Variants in ZDHHC13 observed in about 807,000 individuals in gnomAD.
The protein encoded by ZDHHC13 is palmitoyltransferase ZDHHC13.
Under a neutral mutation model 86.0 loss-of-function variants are expected in ZDHHC13, and 85 were observed. That is an observed-to-expected ratio of 0.99 (90% CI 0.83 to 1.18). ZDHHC13 has a LOEUF of 1.18. ZDHHC13 is among the 50% of genes most tolerant of loss of function. The pLI is 0.00. For missense variants in ZDHHC13, 711 were observed against 730.2 expected, an observed-to-expected ratio of 0.97 and a Z score of 0.30; for synonymous variants, 263 against 246.4, an observed-to-expected ratio of 1.07 and a Z score of -0.63.
chr11:19,124,982 C>A (rs759850562), intron 1 of ZDHHC13, among the ~76,000 whole-genome samples: 2 of 152,002 alleles, frequency 1.3e-5, no homozygotes, highest in Non-Finnish European at 2.9e-5. Flanking sequence ...GCTCAAGGAG[C>A]CACAAAGGGA....
At chr11:19,165,185 G>A (rs1850027117) in intron 13 of ZDHHC13, 40 bp downstream of exon 13, 2 of 1,571,508 alleles carry the variant, frequency 1.3e-6, no homozygotes, top group Admixed American at 3.7e-5. Flanking sequence ...GTGAAGTTAA[G>A]CATATGTTTA....
chr11:19,150,610 G>C, intron 5 of ZDHHC13, 117 bp from the exon 6 acceptor site: 1 of 800,030 alleles, frequency 1.2e-6, no homozygotes, highest in Non-Finnish European at 2.0e-6. Context: ...TGATATTTGA[G>C]CCCTTTATGT....
At position 19,171,450 on chromosome 11, in the gene ZDHHC13, G is replaced by C. The variant is rs146510411; in HGVS notation, c.1632+882G>C. ...ATAATAATAATGATAATAATAACAAGAAGAGAAGGAGGAAGGGAGGGAAAA... is the reference window on the plus strand; with the variant it reads ...ATAATAATAATGATAATAATAACAACAAGAGAAGGAGGAAGGGAGGGAAAA... On this transcript the variant is annotated intron_variant, in intron 15 of 16. Transcript: ENST00000446113. Among the ~76,000 whole-genome samples the C allele has an allele frequency of 4.4e-3, 662 of 152,002 alleles. 1 individual carries two copies. The highest frequency in any genetic ancestry group is 6.3e-3 in the Non-Finnish European group (428 of 67,952).
chr11:19,150,969 T>A (rs1849592984), intron 6 of ZDHHC13, among the ~76,000 whole-genome samples, 178 bp downstream of exon 6: 1 of 152,136 alleles, frequency 6.6e-6, no homozygotes, highest in South Asian at 2.1e-4. Flanking sequence ...AAAGCAGCCT[T>A]GAAATACATT....
At chr11:19,138,836 A>G (rs1293363906) in intron 1 of ZDHHC13, among the ~76,000 whole-genome samples, 1 of 152,144 alleles carries the variant, frequency 6.6e-6, no homozygotes, top group East Asian at 1.9e-4. Context: ...CAATAGATGC[A>G]GAAAAGGCCT....
chr11:19,172,059 A>G (rs1261711821), intron 15 of ZDHHC13, among the ~76,000 whole-genome samples: 1 of 152,014 alleles, frequency 6.6e-6, no homozygotes, highest in East Asian at 1.9e-4. Flanking sequence ...TAGGTATTTG[A>G]TTTTATTTAC....
chr11:19,172,196 C>G (rs10833067), intron 15 of ZDHHC13, among the ~76,000 whole-genome samples: 59,885 of 151,974 alleles, frequency 0.39, 14,426 homozygotes, highest in South Asian at 0.53. Flanking sequence ...CCTCAGCCTC[C>G]CAAGTAGCTG....
intron 7 of ZDHHC13, 32 bp downstream of exon 7, chr11:19,152,352 T>C (rs1336917488): frequency 1.2e-6 from 2 of 1,602,318 alleles, no homozygotes; most frequent in East Asian, 2.2e-5. Flanking sequence ...CCTTAGTTTA[T>C]TATATCTTGA....
intron 6 of ZDHHC13, among the ~76,000 whole-genome samples, 198 bp from the exon 7 acceptor site, chr11:19,151,960 C>T (rs995432918): frequency 3.3e-5 from 5 of 151,776 alleles, no homozygotes; most frequent in South Asian, 2.1e-4. Context: ...GTATAGCAGT[C>T]GTCATTTAAT....
At chr11:19,138,654 A>G (rs1234792082) in intron 1 of ZDHHC13, among the ~76,000 whole-genome samples, 2 of 149,810 alleles carry the variant, frequency 1.3e-5, no homozygotes, top group Admixed American at 1.3e-4. Context: ...CATTGATGCA[A>G]AAATCCTCAA....
intron 3 of ZDHHC13, among the ~76,000 whole-genome samples, chr11:19,147,079 TCTC>T (rs915302675): frequency 1.3e-5 from 2 of 152,168 alleles, no homozygotes; most frequent in Non-Finnish European, 2.9e-5. Context: ...ATACAGTGCC[TCTC>T]ATCTCCGTAC....
At chr11:19,151,427 T>TAGG (rs1849604775) in intron 6 of ZDHHC13, among the ~76,000 whole-genome samples, 1 of 151,906 alleles carries the variant, frequency 6.6e-6, no homozygotes, top group Non-Finnish European at 1.5e-5. Context: ...TGCTTGTACT[T>TAGG]AGGACTTCTA....
chr11:19,135,405 C>A (rs571785769), intron 1 of ZDHHC13, among the ~76,000 whole-genome samples: 19 of 152,368 alleles, frequency 1.2e-4, no homozygotes, highest in Non-Finnish European at 2.1e-4. Context: ...TATCCCGCAC[C>A]TGGCTCGGAG....
intron 1 of ZDHHC13, among the ~76,000 whole-genome samples, chr11:19,138,391 T>C (rs1426996981): frequency 6.6e-6 from 1 of 151,008 alleles, no homozygotes; most frequent in African/African-American, 2.4e-5. Context: ...AATAGACCAA[T>C]AACAGGAGCT....
chr11:19,165,694 A>G (rs1565041454), intron 13 of ZDHHC13, among the ~76,000 whole-genome samples: 1 of 152,192 alleles, frequency 6.6e-6, no homozygotes, highest in Non-Finnish European at 1.5e-5. Flanking sequence ...GTCCAGTAGC[A>G]ACATGTAAAT....
chr11:19,152,518 T>A, intron 7 of ZDHHC13, 41 bp from the exon 8 acceptor site: 1 of 1,526,856 alleles, frequency 6.5e-7, no homozygotes, highest in Non-Finnish European at 8.8e-7. Flanking sequence ...TCATAATATA[T>A]TAAAAATACT....
intron 14 of ZDHHC13, chr11:19,169,543 A>T: frequency 1.0e-6 from 1 of 985,484 alleles, no homozygotes; most frequent in Non-Finnish European, 1.2e-6. Context: ...CTGTTTATCA[A>T]ATTGTCAGAG....
intron 1 of ZDHHC13, among the ~76,000 whole-genome samples, chr11:19,139,485 A>G (rs74502983): frequency 1.0e-5 from 1 of 96,680 alleles, no homozygotes; most frequent in Middle Eastern, 6.0e-3. Flanking sequence ...AATGGCCCTA[A>G]TGCCCAAGGT....
intron 16 of ZDHHC13, 33 bp downstream of exon 16, chr11:19,172,853 G>A: frequency 6.5e-7 from 1 of 1,547,334 alleles, no homozygotes; most frequent in Non-Finnish European, 8.7e-7. Flanking sequence ...GCTGAGTCCT[G>A]TGGAAGATCC....
Sources: gnomAD v4.1 joint callset for allele counts (sites outside exome capture counted in the v4.1 genomes callset) on GRCh38, gnomAD v4.1.1 for gene constraint, MANE v1.5 for transcripts, NCBI Gene and HGNC (gene_info 2026-07-23, HGNC 2026-07-21) for gene names.